JAKMIP2: variants seen among roughly 807,000 people sequenced by gnomAD.
JAKMIP2 encodes the protein janus kinase and microtubule-interacting protein 2.
JAKMIP2 carries 25 observed loss-of-function variants against 115.0 expected under a neutral mutation model. That is an observed-to-expected ratio of 0.22 (90% CI 0.16 to 0.30). JAKMIP2 has a LOEUF of 0.30. JAKMIP2 is among the 10% of genes least tolerant of loss of function. JAKMIP2 has a pLI of 1.00. For missense variants in JAKMIP2, 642 were observed against 957.6 expected (o/e 0.67, Z 4.35); for synonymous variants, 334 against 343.6 (o/e 0.97, Z 0.31).
At chr5:147,719,419 C>T (rs1212704120) in intron 1 of JAKMIP2, among the ~76,000 whole-genome samples, 5 of 138,060 alleles carry the variant, frequency 3.6e-5, no homozygotes, top group South Asian at 2.5e-4. Context: ...CTTTCTGTCT[C>T]GTTGATCTGT....
intron 2 of JAKMIP2, among the ~76,000 whole-genome samples, chr5:147,668,940 T>G (rs1159023929): frequency 2.0e-5 from 3 of 152,214 alleles, no homozygotes; most frequent in Non-Finnish European, 4.4e-5. Flanking sequence ...TCTTAAAATT[T>G]GGCTCTATAC....
intron 1 of JAKMIP2, among the ~76,000 whole-genome samples, chr5:147,722,674 T>C (rs1481029942): frequency 2.0e-5 from 3 of 152,176 alleles, no homozygotes; most frequent in Admixed American, 6.5e-5. Flanking sequence ...ATTTCGGTAT[T>C]ATTAGAAATG....
chr5:147,635,479 G>GT (rs1757570141), intron 12 of JAKMIP2, among the ~76,000 whole-genome samples: 1 of 151,908 alleles, frequency 6.6e-6, no homozygotes, highest in Admixed American at 6.6e-5. Context: ...CCTATGCTAG[G>GT]TTTCGGCATG....
intron 1 of JAKMIP2, among the ~76,000 whole-genome samples, chr5:147,779,087 T>C (rs1218468481): frequency 2.0e-5 from 3 of 152,118 alleles, no homozygotes; most frequent in African/African-American, 4.8e-5. Flanking sequence ...AAACAAAGCA[T>C]TGACTTTTCA....
chr5:147,779,584 C>T (rs1023475605), intron 1 of JAKMIP2, among the ~76,000 whole-genome samples: 1 of 152,036 alleles, frequency 6.6e-6, no homozygotes, highest in Admixed American at 6.6e-5. Context: ...CTCTTATGAA[C>T]AGGTAAATGT....
intron 1 of JAKMIP2, among the ~76,000 whole-genome samples, chr5:147,720,315 A>C (rs1179212563): frequency 1.2e-3 from 182 of 150,808 alleles, no homozygotes; most frequent in African/African-American, 4.1e-3. Context: ...GTGAATCTGA[A>C]AATTATGTGT....
chr5:147,658,716 A>T (rs910152543), intron 3 of JAKMIP2, among the ~76,000 whole-genome samples: 3 of 152,138 alleles, frequency 2.0e-5, no homozygotes, highest in African/African-American at 7.2e-5. Context: ...TTTCCTGCAG[A>T]GAGACCTTGC....
rs1026564616 is a variant in JAKMIP2 at position 147,632,854 on chromosome 5, A to C, written c.1678-76T>G. ...ACTTTGCAAAGCATGAATAGTGTTC[A>C]GTTTACTCAGTGAATAAGTCTTCCA... On this transcript the variant is annotated intron_variant, in intron 12 of 21. Transcript: ENST00000616793. 22 of 843,096 alleles carry C rather than the reference A, an allele frequency of 2.6e-5. No homozygotes were observed. In the Admixed American group the frequency reaches 4.5e-4, roughly 17 times the overall value. 52.2% of individuals were successfully genotyped at this position (843,096 alleles called of 1,614,324 possible).
At chr5:147,722,189 T>A (rs1238182962) in intron 1 of JAKMIP2, among the ~76,000 whole-genome samples, 1 of 152,192 alleles carries the variant, frequency 6.6e-6, no homozygotes, top group Non-Finnish European at 1.5e-5. Flanking sequence ...TCTCCCTGAT[T>A]TTGCTGCAAA....
chr5:147,754,886 A>G (rs983474801), intron 1 of JAKMIP2, among the ~76,000 whole-genome samples: 1 of 152,318 alleles, frequency 6.6e-6, no homozygotes, highest in African/African-American at 2.4e-5. Flanking sequence ...GACATAAAAT[A>G]TTGTGGTTTG....
chr5:147,754,176 C>T (rs546890949), intron 1 of JAKMIP2, among the ~76,000 whole-genome samples: 41 of 152,266 alleles, frequency 2.7e-4, no homozygotes, highest in African/African-American at 9.1e-4. Flanking sequence ...AAAATGCTAT[C>T]GTTGGCTTAT....
intron 7 of JAKMIP2, among the ~76,000 whole-genome samples, chr5:147,643,264 A>C (rs1303380132): frequency 6.6e-6 from 1 of 152,176 alleles, no homozygotes; most frequent in East Asian, 1.9e-4. Context: ...AATCATAAGT[A>C]ATTATAAACA....
rs3749736 is a variant in JAKMIP2 at position 147,661,259 on chromosome 5, C to T, written c.316G>A (p.Val106Ile). ...AGCCTCTGGATCTCTCCATCACGTA[C>T]CTTCACCGTCCTTGACATTTCCTGC... The part of the protein sequence containing the change: ...HEQEMSRTVK[V>I]RDGEIQRLKS... The change falls in exon 3 of 22, where the codon GTA becomes ATA. Residue 106 changes from valine (V) to isoleucine (I), a missense_variant. Physicochemically the swap from Val to Ile is conservative, Grantham distance 29. Coordinates refer to ENST00000616793, the MANE Select transcript of JAKMIP2 (RefSeq NM_001270941.2). The T allele has an allele frequency of 3.0e-3, 4,860 of 1,613,914 alleles. 211 individuals carry two copies. In the East Asian group the frequency reaches 0.088, roughly 29 times the overall value.
intron 1 of JAKMIP2, among the ~76,000 whole-genome samples, chr5:147,776,314 G>A (rs1755553833): frequency 6.6e-6 from 1 of 152,184 alleles, no homozygotes; most frequent in African/African-American, 2.4e-5. Context: ...CCATTCTATT[G>A]TCATGGTATT....
chr5:147,743,600 ATT>A (rs766150551), intron 1 of JAKMIP2, among the ~76,000 whole-genome samples: 179 of 152,304 alleles, frequency 1.2e-3, no homozygotes, highest in Non-Finnish European at 2.1e-3. Flanking sequence ...AGGCTGCTTG[ATT>A]GGACAGTTCA....
At chr5:147,710,050 G>T (rs947646360) in intron 1 of JAKMIP2, among the ~76,000 whole-genome samples, 1 of 152,146 alleles carries the variant, frequency 6.6e-6, no homozygotes, top group African/African-American at 2.4e-5. Flanking sequence ...CTAATAGAGT[G>T]ATCAGCCTGT....
intron 21 of JAKMIP2, 43 bp downstream of exon 21, chr5:147,601,698 A>C: frequency 7.2e-7 from 1 of 1,384,086 alleles, no homozygotes; most frequent in Non-Finnish European, 9.7e-7. Context: ...TTTTTATCAA[A>C]TACCTCTTAG....
rs780831566 is a variant in JAKMIP2 at position 147,639,757 on chromosome 5, A to C, written c.1405T>G (p.Leu469Val). 2.5e-6 allele frequency: 4 copies of C among 1,608,602 alleles called. No individual in the cohort carries two copies. The highest frequency in any genetic ancestry group is 3.4e-6 in the Non-Finnish European group (4 of 1,179,306). Residue 469 changes from leucine to valine, a missense_variant, in exon 10 of 22, where the codon TTA (leucine) becomes GTA (valine). Transcript: ENST00000616793. ...ATPDDDLDESLAAEESELRFR... is the reference protein window; with the variant it reads ...ATPDDDLDESVAAEESELRFR... ...CTTAGTTCAGATTCTTCAGCTGCTA[A>C]ACTCTTGAGGTTAAGAAAAAAAGCC...
chr5:147,728,219 G>A (rs1753594679), intron 1 of JAKMIP2, among the ~76,000 whole-genome samples: 1 of 152,114 alleles, frequency 6.6e-6, no homozygotes, highest in Admixed American at 6.5e-5. Flanking sequence ...TTTGGATTGG[G>A]AGAAGCATGC....
Sources: gnomAD v4.1 joint callset for allele counts (sites outside exome capture counted in the v4.1 genomes callset) on GRCh38, gnomAD v4.1.1 for gene constraint, MANE v1.5 for transcripts, NCBI Gene and HGNC (gene_info 2026-07-23, HGNC 2026-07-21) for gene names.